Variants in NPNT observed in about 807,000 individuals in gnomAD.
NPNT encodes the protein preosteoblast EGF-like repeat protein with MAM domain.
Under a neutral mutation model 68.6 loss-of-function variants are expected in NPNT, and 45 were observed. The ratio of observed to expected loss-of-function variants is 0.66; its 90% CI spans 0.52 to 0.84. The LOEUF is 0.84. Ranked by LOEUF, NPNT falls within the 40% of genes least tolerant of loss-of-function variation. The pLI, the probability that NPNT is intolerant of heterozygous loss-of-function variation, is 0.00. For missense variants in NPNT, 672 were observed against 714.8 expected, an observed-to-expected ratio of 0.94 and a Z score of 0.68; for synonymous variants, 233 against 253.3, an observed-to-expected ratio of 0.92 and a Z score of 0.76.
intron 8 of NPNT, among the ~76,000 whole-genome samples, chr4:105,949,835 T>A (rs1730680639): frequency 6.6e-6 from 1 of 152,182 alleles, no homozygotes; most frequent in Non-Finnish European, 1.5e-5. Context: ...ATAAAATACA[T>A]GTCTGCATAT....
intron 1 of NPNT, among the ~76,000 whole-genome samples, chr4:105,896,413 T>C (rs1172040612): frequency 6.6e-6 from 1 of 151,734 alleles, no homozygotes; most frequent in Non-Finnish European, 1.5e-5. Context: ...TCGGGCCGCG[T>C]CTCCGCTGTC....
chr4:105,950,696 G>T (rs1578667114), intron 8 of NPNT, among the ~76,000 whole-genome samples: 1 of 152,116 alleles, frequency 6.6e-6, no homozygotes, highest in African/African-American at 2.4e-5. Flanking sequence ...CCAGCGGTGA[G>T]CTGGATGTGA....
At chr4:105,897,810 G>T in intron 1 of NPNT, 91 bp from the exon 2 acceptor site, 1 of 1,001,786 alleles carries the variant, frequency 1.0e-6, no homozygotes, top group Admixed American at 2.1e-5. Context: ...TGTTGGGTGT[G>T]GTTGACATTT....
rs371125642 is a variant in NPNT, at chr4:105,924,042, C to A, written c.173-3294C>A. The stretch of plus-strand genomic sequence containing the variant: ...AAGAAGCAGTCCCCTTTGCTGCGCC[C>A]CCCCCCCACCACTTTGCTTATATTC... On this transcript the variant is annotated intron_variant, in intron 2 of 11. Coordinates refer to ENST00000379987, the MANE Select transcript of NPNT (RefSeq NM_001033047.3). Among the ~76,000 whole-genome samples the A allele has an allele frequency of 6.6e-5, 10 of 151,448 alleles. 1 individual carries two copies. The East Asian group carries it at 9.7e-4, about 15-fold the overall frequency.
chr4:105,941,725 G>A (rs1289225155), intron 7 of NPNT, among the ~76,000 whole-genome samples: 2 of 152,134 alleles, frequency 1.3e-5, no homozygotes, highest in African/African-American at 2.4e-5. Context: ...TTTAAAAGCA[G>A]TTGTATCTAT....
At position 105,940,143 on chromosome 4, in the gene NPNT, A is replaced by G; in HGVS notation, c.574A>G (p.Ser192Gly). 5 of 1,611,912 alleles carry G rather than the reference A, an allele frequency of 3.1e-6. No homozygotes were observed. The highest frequency in any genetic ancestry group is 4.2e-6 in the Non-Finnish European group (5 of 1,178,040). Residue 192 changes from serine (S) to glycine (G), a missense_variant, in exon 6 of 12, where the codon AGC (serine) becomes GGC (glycine). Coordinates refer to ENST00000379987, the MANE Select transcript of NPNT (RefSeq NM_001033047.3). ...TAGGCAATGTGTCAACACTTTTGGG[A>G]GCTACATCTGCAAGTGTCATAAAGG... Reference protein sequence around the residue: ...RFRQCVNTFGSYICKCHKGFD... With the variant: ...RFRQCVNTFGGYICKCHKGFD...
chr4:105,898,322 C>CTCTCTGTCTCTCTCTCTCTCTG (rs1726078660), intron 2 of NPNT, among the ~76,000 whole-genome samples: 2 of 122,744 alleles, frequency 1.6e-5, no homozygotes, highest in African/African-American at 8.5e-5. Context: ...GTCTCTCTCT[C>CTCTCTGTCTCTCTCTCTCTCTG]TCTCTGTCTC....
Position 105,898,014 on chromosome 4 carries a change from C to T in NPNT, c.172+13C>T. 6.4e-7 allele frequency: 1 copy of T among 1,562,420 alleles called. No individual in the cohort carries two copies. ...GGACAGTGTCAGCGTGAGTATCAAG[C>T]CTGGGGACTTCAGTTCCCTGGGAGG... On this transcript the variant is annotated intron_variant, in intron 2 of 11. Coordinates refer to ENST00000379987, the MANE Select transcript of NPNT (RefSeq NM_001033047.3).
rs764427917 is a variant in NPNT at position 105,970,501 on chromosome 4, A to C, written c.*1511A>C. The C allele has an allele frequency of 4.3e-6, 3 of 690,584 alleles. No homozygotes were observed. Among genetic ancestry groups the C allele is most frequent in the South Asian group, 3.0e-5 (2 of 67,222 alleles). The allele number at this position is 690,584 out of a possible 1,614,324, so 42.8% of individuals were successfully genotyped here. A position where few individuals can be genotyped will look rare whatever the true frequency, so the allele number is the denominator to read the frequency against. On this transcript the variant is annotated 3_prime_UTR_variant, in exon 12 of 12. Coordinates refer to ENST00000379987, the MANE Select transcript of NPNT (RefSeq NM_001033047.3). Reference sequence around the variant, plus strand: ...GAGGGGCAAACCATTGATGGTTTTCAAGTATATGAAGGGTTGGCACAGAGA... The same window carrying C: ...GAGGGGCAAACCATTGATGGTTTTCCAGTATATGAAGGGTTGGCACAGAGA...
chr4:105,917,617 C>G (rs1347371778), intron 2 of NPNT, among the ~76,000 whole-genome samples: 2 of 152,054 alleles, frequency 1.3e-5, no homozygotes, highest in African/African-American at 4.8e-5. Flanking sequence ...GAAGTATGCA[C>G]AGAGGCTTAT....
In NPNT at chr4:105,940,510, G is replaced by A. The variant is rs375431427; in HGVS notation, c.641-4G>A. On this transcript the variant is annotated splice_polypyrimidine_tract_variant and splice_region_variant and intron_variant, in intron 6 of 11. Transcript: ENST00000379987. ...GTCTCTTCTTTTCCTACTTTCTGAT[G>A]CAGACATAGACGAATGCTCACTTGG... 5.6e-6 allele frequency: 9 copies of A among 1,610,634 alleles called. No individual in the cohort carries two copies. Among genetic ancestry groups the A allele is most frequent in the African/African-American group, 1.3e-5 (1 of 74,768 alleles).
chr4:105,925,796 G>C (rs936574082), intron 2 of NPNT, among the ~76,000 whole-genome samples: 2 of 152,140 alleles, frequency 1.3e-5, no homozygotes, highest in African/African-American at 4.8e-5. Flanking sequence ...CCTTGCAACT[G>C]TTCTCTCTGC....
In NPNT at chr4:105,959,120, C is replaced by G. The variant is rs753285391; in HGVS notation, c.1339C>G (p.Pro447Ala). 1.2e-6 allele frequency: 2 copies of G among 1,607,394 alleles called. No individual in the cohort carries two copies. Among genetic ancestry groups the G allele is most frequent in the Non-Finnish European group, 1.7e-6 (2 of 1,174,022 alleles). Residue 447 changes from proline (P) to alanine (A), a missense_variant, in exon 10 of 12, where the codon CCA becomes GCA. Transcript: ENST00000379987. ...CTTGCACTGGGAACCAATCAGGGACCCAGCAGGTAAAACCATTTCATTTAA... is the reference window on the plus strand; with the variant it reads ...CTTGCACTGGGAACCAATCAGGGACGCAGCAGGTAAAACCATTTCATTTAA... The part of the protein sequence containing the change: ...NDLHWEPIRD[P>A]AGGQYLTVSA...
At chr4:105,912,271 G>T in intron 2 of NPNT, 1 of 1,447,858 alleles carries the variant, frequency 6.9e-7, no homozygotes, top group Non-Finnish European at 9.4e-7. Context: ...AATAATTTTG[G>T]CTAATCTATG....
Position 105,946,530 on chromosome 4 carries a change from C to T in NPNT, c.1159+3828C>T, listed in dbSNP as rs185801748. Among the ~76,000 whole-genome samples the T allele has an allele frequency of 7.0e-3, 1,061 of 152,046 alleles. 10 individuals carry two copies. Among genetic ancestry groups the T allele is most frequent in the Non-Finnish European group, 0.01 (701 of 67,976 alleles). On this transcript the variant is annotated intron_variant, in intron 8 of 11. Coordinates refer to ENST00000379987, the MANE Select transcript of NPNT (RefSeq NM_001033047.3). ...GGCTGAGAAATAAAGAGAAAGAGTA[C>T]GAAGAGAGGAATTTTACAGCTGGGT...
chr4:105,937,170 T>C, intron 4 of NPNT, 42 bp downstream of exon 4: 1 of 1,605,886 alleles, frequency 6.2e-7, no homozygotes, highest in Non-Finnish European at 8.5e-7. Flanking sequence ...GCTTTGGGCT[T>C]GTTTCTGTTG....
intron 2 of NPNT, among the ~76,000 whole-genome samples, chr4:105,916,344 C>A (rs891921628): frequency 1.3e-5 from 2 of 151,906 alleles, no homozygotes. Context: ...CTCAGCCACC[C>A]AAGTGGCTGG....
chr4:105,951,273 C>T (rs573381297), intron 8 of NPNT, among the ~76,000 whole-genome samples: 6 of 152,302 alleles, frequency 3.9e-5, no homozygotes, highest in African/African-American at 1.4e-4. Flanking sequence ...ATCAGGTGCT[C>T]TTATGAGTGG....
chr4:105,925,926 G>A (rs1728643123), intron 2 of NPNT, among the ~76,000 whole-genome samples: 1 of 152,116 alleles, frequency 6.6e-6, no homozygotes, highest in South Asian at 2.1e-4. Context: ...CCATTTCCTA[G>A]AGCTAAAGTG....
Sources: allele counts gnomAD v4.1 joint callset (sites outside exome capture counted in the v4.1 genomes callset), GRCh38; gene constraint gnomAD v4.1.1; transcripts MANE v1.5; gene names NCBI Gene and HGNC (gene_info 2026-07-23, HGNC 2026-07-21).